Variants in COG3 observed in about 807,000 individuals in gnomAD.
The protein encoded by COG3 is component of oligomeric golgi complex 3.
COG3 carries 32 observed loss-of-function variants against 114.1 expected under a neutral mutation model. The observed-to-expected ratio is 0.28, with a 90% CI of 0.21 to 0.38. The LOEUF is 0.38. Among genes scored for constraint, COG3 ranks in the 10% least tolerant of loss-of-function variants. COG3 has a pLI of 1.00. For synonymous variants in COG3, 352 were observed against 365.7 expected (o/e 0.96, Z 0.43); for missense variants, 813 against 973.2 (o/e 0.84, Z 2.19).
chr13:45,465,182 C>T lies in COG3; in HGVS notation c.146C>T (p.Ala49Val). Residue 49 changes from alanine (A) to valine (V), a missense_variant, in exon 1 of 23, where the codon GCG becomes GTG. Physicochemically the swap from Ala to Val is moderately conservative, Grantham distance 64. Transcript: ENST00000349995. ...GACTCGGTATTGGAGCTGAAGGCGG[C>T]GGCAGAGAACTTGCCGGTGCCAGCT... ...QTDSVLELKA[A>V]AENLPVPAEL... 6.2e-7 allele frequency: 1 copy of T among 1,613,634 alleles called. No individual in the cohort carries two copies. The highest frequency in any genetic ancestry group is 1.1e-5 in the South Asian group (1 of 91,080).
intron 20 of COG3, among the ~76,000 whole-genome samples, chr13:45,525,467 GT>G (rs1198207825): frequency 6.6e-6 from 1 of 151,972 alleles, no homozygotes; most frequent in Non-Finnish European, 1.5e-5. Flanking sequence ...TTTTGTCCAA[GT>G]TATCCTCTGT....
intron 12 of COG3, among the ~76,000 whole-genome samples, chr13:45,494,309 C>A (rs922739363): frequency 7.0e-6 from 1 of 141,992 alleles, no homozygotes; most frequent in South Asian, 2.3e-4. Context: ...CAGGCAACAA[C>A]AGCAAGACTC....
At chr13:45,498,730 A>G (rs1367414403) in intron 13 of COG3, among the ~76,000 whole-genome samples, 1 of 145,734 alleles carries the variant, frequency 6.9e-6, no homozygotes, top group Admixed American at 6.9e-5. Flanking sequence ...TGTCTGGATT[A>G]CAGTTGTTTT....
In COG3 at chr13:45,497,137, C is replaced by T. The variant is rs146831763; in HGVS notation, c.1488+825C>T. On this transcript the variant is annotated intron_variant, in intron 13 of 22. Transcript: ENST00000349995. ...ACCAGGTTGATGGTGATGATGTAAC[C>T]GTGTGTCATGCTCTCTCATAAAAAC... Among the ~76,000 whole-genome samples the T allele has an allele frequency of 1.5e-4, 23 of 152,218 alleles. No individual in the cohort carries two copies. The East Asian group carries it at 3.3e-3, about 22-fold the overall frequency.
rs559163611 is a variant in COG3, at chr13:45,518,498, C to T, written c.1931-264C>T. 1.1e-4 allele frequency among the ~76,000 whole-genome samples: 16 copies of T among 152,184 alleles called. No individual in the cohort carries two copies. The South Asian group carries it at 1.7e-3, about 16-fold the overall frequency. On this transcript the variant is annotated intron_variant, in intron 17 of 22. Transcript: ENST00000349995. ...GTAAAGCAGTGAAATTTTAAGGTGCCGATTACCATTTATCATTTTTCTTTT... is the reference window on the plus strand; with the variant it reads ...GTAAAGCAGTGAAATTTTAAGGTGCTGATTACCATTTATCATTTTTCTTTT...
chr13:45,491,394 T>C lies in COG3; in HGVS notation c.969-18T>C. ...CATATCTGAAATGAAAAGTTTAATC[T>C]CATTTGCTTTCTGTCAGATACCAAC... On this transcript the variant is annotated intron_variant, in intron 9 of 22. Transcript: ENST00000349995. 1 of 1,593,544 alleles carries C rather than the reference T, an allele frequency of 6.3e-7. No individual in the cohort carries two copies. The highest frequency in any genetic ancestry group is 8.5e-7 in the Non-Finnish European group (1 of 1,174,264).
chr13:45,521,577 G>GCGCACA (rs147991863), intron 19 of COG3, among the ~76,000 whole-genome samples: 3 of 148,378 alleles, frequency 2.0e-5, no homozygotes, highest in Admixed American at 6.8e-5. Context: ...ATACATACGT[G>GCGCACA]CACACACACA....
In COG3 at chr13:45,516,170, A is replaced by G. The variant is rs1256143592; in HGVS notation, c.1837A>G (p.Ile613Val). The G allele has an allele frequency of 1.4e-5, 22 of 1,593,104 alleles. No individual in the cohort carries two copies. Among genetic ancestry groups the G allele is most frequent in the Non-Finnish European group, 1.9e-5 (22 of 1,165,024 alleles). ...TCAGATTGATGGACAACTTTTCTTAATTAAGCACCTTTTGATACTTCGTGA... is the reference window on the plus strand; with the variant it reads ...TCAGATTGATGGACAACTTTTCTTAGTTAAGCACCTTTTGATACTTCGTGA... ...KTQIDGQLFL[I>V]KHLLILREQI... Residue 613 changes from isoleucine to valine, a missense_variant, in exon 17 of 23, where the codon ATT becomes GTT. Ile to Val is a conservative substitution (Grantham distance 29). This residue lies in a region of COG3 where 389 missense variants were observed against 542.6 expected (regional missense o/e 0.72). Coordinates refer to ENST00000349995, the MANE Select transcript of COG3 (RefSeq NM_031431.4).
intron 13 of COG3, among the ~76,000 whole-genome samples, chr13:45,500,663 G>A (rs1482299841): frequency 6.6e-6 from 1 of 152,180 alleles, no homozygotes; most frequent in African/African-American, 2.4e-5. Flanking sequence ...CTGTTGGTAT[G>A]ATACATTTGC....
intron 14 of COG3, among the ~76,000 whole-genome samples, chr13:45,504,693 G>C (rs1047752568): frequency 4.4e-4 from 67 of 152,306 alleles, no homozygotes; most frequent in African/African-American, 1.6e-3. Context: ...TCAGATGTGA[G>C]GGTTGAATAA....
intron 8 of COG3, among the ~76,000 whole-genome samples, chr13:45,489,617 A>G (rs1238009286): frequency 6.6e-6 from 1 of 152,206 alleles, no homozygotes; most frequent in Non-Finnish European, 1.5e-5. Flanking sequence ...ATCAGTGACA[A>G]AAAGCATAAA....
rs1336739885 is a variant in COG3, at chr13:45,493,570, C to T, written c.1327+84C>T. The T allele has an allele frequency of 1.2e-3, 1,426 of 1,181,018 alleles. 11 individuals carry two copies. The African/African-American group carries it at 0.02, about 16-fold the overall frequency. The allele number at this position is 1,181,018 out of a possible 1,614,324, so 73.2% of individuals were successfully genotyped here. A position where few individuals can be genotyped will look rare whatever the true frequency, so the allele number is the denominator to read the frequency against. ...AAAATAAGTGCTTCTTCCCTCACCC[C>T]ACTAAATAGATAAATTTAATATTTT... On this transcript the variant is annotated intron_variant, in intron 12 of 22. Transcript: ENST00000349995.
At position 45,486,560 on chromosome 13, in the gene COG3, T is replaced by C. The variant is rs1454558207; in HGVS notation, c.909T>C (p.Ala303=). 1 of 1,605,962 alleles carries C rather than the reference T, an allele frequency of 6.2e-7. No individual in the cohort carries two copies. Among genetic ancestry groups the C allele is most frequent in the East Asian group, 2.2e-5 (1 of 44,846 alleles). The change falls in exon 8 of 23, where the codon GCT becomes GCC. Residue 303 remains alanine (A), a synonymous_variant. Coordinates refer to ENST00000349995, the MANE Select transcript of COG3 (RefSeq NM_031431.4). ...FTLFYVKFRA[A]APKVRTLIEQ... ...TATTTTATGTGAAATTTCGAGCTGC[T>C]GCCCCCAAAGTCAGAGTAAGTCTAT...
At chr13:45,519,825 A>G (rs953834454) in intron 19 of COG3, among the ~76,000 whole-genome samples, 2 of 152,222 alleles carry the variant, frequency 1.3e-5, no homozygotes, top group African/African-American at 2.4e-5. Context: ...TGTGGATAGT[A>G]TATTCTCTCT....
At chr13:45,471,923 G>A (rs1243879675) in intron 1 of COG3, among the ~76,000 whole-genome samples, 1 of 152,084 alleles carries the variant, frequency 6.6e-6, no homozygotes, top group East Asian at 1.9e-4. Context: ...AGTAGAGACA[G>A]GGTTTCGCCA....
intron 15 of COG3, among the ~76,000 whole-genome samples, chr13:45,510,930 C>T (rs968845213): frequency 6.6e-6 from 1 of 152,154 alleles, no homozygotes; most frequent in African/African-American, 2.4e-5. Flanking sequence ...TGTGGGAAAC[C>T]ACAGAACAGG....
chr13:45,516,739 G>A (rs182407851), intron 17 of COG3, among the ~76,000 whole-genome samples: 268 of 152,138 alleles, frequency 1.8e-3, no homozygotes, highest in Non-Finnish European at 2.9e-3. Context: ...ATCTTGGGTG[G>A]GTGTTTTAGC....
Position 45,496,300 on chromosome 13 carries a change from A to G in COG3, c.1476A>G (p.Leu492=), listed in dbSNP as rs1868763336. The change falls in exon 13 of 23, where the codon TTA becomes TTG. Residue 492 remains leucine (L), a synonymous_variant. Coordinates refer to ENST00000349995, the MANE Select transcript of COG3 (RefSeq NM_031431.4). ...APGDLAYPDK[L]VMMEQIAQSL... ...GAGATCTGGCATATCCCGATAAGTT[A>G]GTCATGATGGAGGTAGGATCTCCTT... The G allele has an allele frequency of 6.3e-7, 1 of 1,589,066 alleles. No individual in the cohort carries two copies. The highest frequency in any genetic ancestry group is 1.7e-5 in the Admixed American group (1 of 58,606).
At chr13:45,492,324 T>C (rs1887067247) in intron 11 of COG3, 74 bp downstream of exon 11, 1 of 765,466 alleles carries the variant, frequency 1.3e-6, no homozygotes, top group Non-Finnish European at 2.1e-6. Flanking sequence ...CAGTATATTA[T>C]AGGAGTATTC....
Sources: gnomAD v4.1 joint callset for allele counts (sites outside exome capture counted in the v4.1 genomes callset) on GRCh38, gnomAD v4.1.1 for gene constraint, gnomAD v4.1.1 regional missense constraint, MANE v1.5 for transcripts, NCBI Gene and HGNC (gene_info 2026-07-23, HGNC 2026-07-21) for gene names.